Variants in NTNG1 observed in about 807,000 individuals in gnomAD.
The protein encoded by NTNG1 is netrin-G1.
In NTNG1, 16 loss-of-function variants were observed where a neutral mutation model predicts 54.0. The observed-to-expected ratio is 0.30, with a 90% confidence interval of 0.20 to 0.45. NTNG1 has a LOEUF of 0.45. Among genes scored for constraint, NTNG1 ranks in the 20% least tolerant of loss-of-function variants. The pLI, the probability that NTNG1 is intolerant of heterozygous loss-of-function variation, is 1.00. For synonymous variants in NTNG1, 255 were observed against 263.1 expected, an observed-to-expected ratio of 0.97 and a Z score of 0.30; for missense variants, 530 against 678.7, an observed-to-expected ratio of 0.78 and a Z score of 2.43.
intron 4 of NTNG1, among the ~76,000 whole-genome samples, chr1:107,398,057 C>T (rs1219314677): frequency 6.6e-6 from 1 of 151,726 alleles, no homozygotes; most frequent in Non-Finnish European, 1.5e-5. Context: ...ATATATCATC[C>T]CCTAACATAA....
At chr1:107,141,772 C>T (rs1653741990) in intron 1 of NTNG1, among the ~76,000 whole-genome samples, 1 of 151,934 alleles carries the variant, frequency 6.6e-6, no homozygotes. Context: ...CATCCGCCGA[C>T]TGACAGGGGC....
intron 3 of NTNG1, among the ~76,000 whole-genome samples, chr1:107,367,107 A>G (rs534045273): frequency 7.3e-5 from 11 of 151,540 alleles, no homozygotes; most frequent in African/African-American, 2.7e-4. Context: ...TCTCTAGCAC[A>G]CTATGGGTGC....
At chr1:107,280,603 CT>C (rs201973865) in intron 2 of NTNG1, among the ~76,000 whole-genome samples, 47,873 of 133,656 alleles carry the variant, frequency 0.36, 8,020 homozygotes, top group East Asian at 0.47. Context: ...GTTGGCATGG[CT>C]TTTTTTTTTT....
At chr1:107,320,372 T>C (rs377615525) in intron 2 of NTNG1, among the ~76,000 whole-genome samples, 18 of 152,270 alleles carry the variant, frequency 1.2e-4, no homozygotes, top group African/African-American at 3.8e-4. Context: ...CTGTTAGATA[T>C]AGCAGCAAGA....
intron 3 of NTNG1, among the ~76,000 whole-genome samples, chr1:107,341,921 C>T (rs528671396): frequency 6.6e-6 from 1 of 151,844 alleles, no homozygotes; most frequent in Admixed American, 6.6e-5. Flanking sequence ...AGAGGTGTAT[C>T]TATGAGTTGT....
chr1:107,435,833 A>G (rs1675562182), intron 6 of NTNG1, among the ~76,000 whole-genome samples: 1 of 152,196 alleles, frequency 6.6e-6, no homozygotes, highest in Non-Finnish European at 1.5e-5. Context: ...TACCTGCACT[A>G]TCTTTCCAGC....
Position 107,482,054 on chromosome 1 carries a change from G to GAAAAAAAA in NTNG1, c.*1214_*1215insAAAAAAAA, listed in dbSNP as rs1261871821. ...TTTCCACTTGGGAAAAATTACAACAGCAAAAAAAAAAAAAAAAAAAAAAAA... is the reference window on the plus strand; with the variant it reads ...TTTCCACTTGGGAAAAATTACAACAGAAAAAAAACAAAAAAAAAAAAAAAAAAAAAAAA... On this transcript the variant is annotated 3_prime_UTR_variant, in exon 8 of 8. Coordinates refer to ENST00000370068, the MANE Select transcript of NTNG1 (RefSeq NM_001113226.3). The GAAAAAAAA allele has an allele frequency of 1.6e-4, 2 of 12,430 alleles. No homozygotes were observed. Among genetic ancestry groups the GAAAAAAAA allele is most frequent in the South Asian group, 3.5e-3 (1 of 286 alleles). The allele number at this position is 12,430 out of a possible 1,614,324, so 0.8% of individuals were successfully genotyped here.
intron 3 of NTNG1, among the ~76,000 whole-genome samples, chr1:107,344,058 A>T (rs1251262403): frequency 6.6e-6 from 1 of 152,234 alleles, no homozygotes; most frequent in East Asian, 1.9e-4. Flanking sequence ...TCTAGAAAAA[A>T]AAAAATCTTA....
intron 2 of NTNG1, among the ~76,000 whole-genome samples, chr1:107,292,413 G>C (rs538573831): frequency 6.6e-6 from 1 of 152,168 alleles, no homozygotes; most frequent in African/African-American, 2.4e-5. Flanking sequence ...AACAGGAGAG[G>C]GTTTCCCCCG....
chr1:107,205,793 A>G (rs553178080), intron 2 of NTNG1, among the ~76,000 whole-genome samples: 3 of 152,222 alleles, frequency 2.0e-5, no homozygotes, highest in South Asian at 4.2e-4. Flanking sequence ...GCCCTCTTCA[A>G]CTGCCCTTTC....
At chr1:107,405,604 C>T (rs1423251031) in intron 4 of NTNG1, among the ~76,000 whole-genome samples, 7 of 152,116 alleles carry the variant, frequency 4.6e-5, no homozygotes, top group Non-Finnish European at 7.4e-5. Flanking sequence ...AACAGTCTTG[C>T]GGCTTTGTTT....
intron 2 of NTNG1, among the ~76,000 whole-genome samples, chr1:107,317,745 T>TA (rs1312533651): frequency 1.3e-5 from 2 of 152,094 alleles, no homozygotes; most frequent in African/African-American, 2.4e-5. Flanking sequence ...TATTCCTGAG[T>TA]AAAAAAGTCC....
chr1:107,432,643 T>C (rs1217506729), intron 6 of NTNG1, among the ~76,000 whole-genome samples: 2 of 152,176 alleles, frequency 1.3e-5, no homozygotes, highest in African/African-American at 4.8e-5. Flanking sequence ...ATAAATGTCA[T>C]GCTATAGATA....
intron 2 of NTNG1, among the ~76,000 whole-genome samples, chr1:107,205,535 C>T (rs1272327445): frequency 6.6e-6 from 1 of 152,034 alleles, no homozygotes; most frequent in East Asian, 1.9e-4. Context: ...GATGCAGAAC[C>T]TCCAAGTGTG....
intron 3 of NTNG1, among the ~76,000 whole-genome samples, chr1:107,358,711 T>G (rs1670087839): frequency 6.6e-6 from 1 of 151,886 alleles, no homozygotes. Flanking sequence ...AAGCTGCTGT[T>G]GCTTAAAAAC....
intron 4 of NTNG1, among the ~76,000 whole-genome samples, chr1:107,407,006 C>A (rs767763701): frequency 2.0e-5 from 3 of 152,134 alleles, no homozygotes; most frequent in African/African-American, 4.8e-5. Context: ...GGCTTCTCTA[C>A]CTTAGCACAA....
At chr1:107,227,272 T>C (rs564916434) in intron 2 of NTNG1, among the ~76,000 whole-genome samples, 1 of 152,246 alleles carries the variant, frequency 6.6e-6, no homozygotes, top group East Asian at 1.9e-4. Flanking sequence ...GTTAATATTG[T>C]ATGAGTCCTC....
chr1:107,260,810 G>A (rs1663263670), intron 2 of NTNG1: 1 of 152,198 alleles, frequency 6.6e-6, no homozygotes, highest in Admixed American at 6.5e-5. Flanking sequence ...CACCACACAC[G>A]TACCGCTCTG....
At position 107,265,810 on chromosome 1, in the gene NTNG1, A is replaced by G. The variant is rs140274126; in HGVS notation, c.247-58472A>G. 3.5e-4 allele frequency among the ~76,000 whole-genome samples: 53 copies of G among 152,354 alleles called. No individual in the cohort carries two copies. In the East Asian group the frequency reaches 9.6e-3, roughly 28 times the overall value. On this transcript the variant is annotated intron_variant, in intron 2 of 7. Transcript: ENST00000370068. Reference sequence around the variant, plus strand: ...ATATATAGGAAAATAAAGCAGAGCTATGAATGCATAGCAAAGATGGGAGTA... The same window carrying G: ...ATATATAGGAAAATAAAGCAGAGCTGTGAATGCATAGCAAAGATGGGAGTA...
Sources: gnomAD v4.1 joint callset for allele counts (sites outside exome capture counted in the v4.1 genomes callset) on GRCh38, gnomAD v4.1.1 for gene constraint, MANE v1.5 for transcripts, NCBI Gene and HGNC (gene_info 2026-07-23, HGNC 2026-07-21) for gene names.